WDR33: variants seen among roughly 807,000 people sequenced by gnomAD.
The protein encoded by WDR33 is pre-mRNA 3' end processing protein WDR33.
A neutral mutation model predicts 164.9 loss-of-function variants in WDR33; 47 were observed. The observed-to-expected ratio is 0.29, with a 90% CI of 0.23 to 0.36. The LOEUF is 0.36. Among genes scored for constraint, WDR33 ranks in the 10% least tolerant of loss-of-function variants. The pLI, the probability that WDR33 is intolerant of heterozygous loss-of-function variation, is 1.00. For synonymous variants in WDR33, 505 were observed against 589.0 expected, an observed-to-expected ratio of 0.86 and a Z score of 2.06; for missense variants, 1,137 against 1,754.1, an observed-to-expected ratio of 0.65 and a Z score of 6.28.
intron 7 of WDR33, chr2:127,737,361 A>G (rs1194115064): frequency 2.0e-6 from 2 of 985,332 alleles, no homozygotes; most frequent in East Asian, 1.1e-4. Flanking sequence ...GTGTGTGTAC[A>G]TATGTGTGTG....
intron 7 of WDR33, among the ~76,000 whole-genome samples, chr2:127,753,367 T>C (rs1433072352): frequency 6.6e-6 from 1 of 152,262 alleles, no homozygotes; most frequent in Admixed American, 6.5e-5. Flanking sequence ...AAAGCCTATA[T>C]ATACTACTGT....
rs1558915726 is a variant in WDR33, at chr2:127,704,679, C to T, written c.*1644G>A. 6.0e-6 allele frequency: 1 copy of T among 167,068 alleles called. No individual in the cohort carries two copies. Among genetic ancestry groups the T allele is most frequent in the South Asian group, 2.1e-4 (1 of 4,832 alleles). The allele number at this position is 167,068 out of a possible 1,614,324, so 10.3% of individuals were successfully genotyped here. Reference sequence around the variant, plus strand: ...GCAGTGTATATGGCTGACATTTTCTCACTCCACAGAAATCAATTAGCTTTT... The same window carrying T: ...GCAGTGTATATGGCTGACATTTTCTTACTCCACAGAAATCAATTAGCTTTT... On this transcript the variant is annotated 3_prime_UTR_variant, in exon 22 of 22. Transcript: ENST00000322313.
chr2:127,729,724 T>G (rs529838509), intron 7 of WDR33, among the ~76,000 whole-genome samples: 1 of 152,324 alleles, frequency 6.6e-6, no homozygotes, highest in Non-Finnish European at 1.5e-5. Context: ...CTCAATCTCC[T>G]GGCCTCGTGA....
intron 4 of WDR33, among the ~76,000 whole-genome samples, chr2:127,767,322 C>T (rs1268884629): frequency 2.0e-5 from 3 of 152,044 alleles, no homozygotes; most frequent in Admixed American, 2.0e-4. Flanking sequence ...ATGGAATAAT[C>T]GAAACACAAA....
intron 7 of WDR33, among the ~76,000 whole-genome samples, chr2:127,750,109 A>C (rs1466018464): frequency 6.6e-6 from 1 of 152,094 alleles, no homozygotes; most frequent in East Asian, 1.9e-4. Flanking sequence ...CTGCAGCCTC[A>C]GATTTCCCAG....
chr2:127,769,036 A>AATAAATAAATAG (rs1553477303), intron 2 of WDR33, 35 bp from the exon 3 acceptor site: 1 of 1,126,396 alleles, frequency 8.9e-7, no homozygotes, highest in Non-Finnish European at 1.2e-6. Flanking sequence ...TAAATAAATA[A>AATAAATAAATAG]ATAGATCAAT....
intron 7 of WDR33, among the ~76,000 whole-genome samples, chr2:127,739,278 T>C (rs1210938174): frequency 6.6e-6 from 1 of 152,198 alleles, no homozygotes; most frequent in African/African-American, 2.4e-5. Context: ...TCCACTTTCA[T>C]CTCTGAGCCA....
rs1367634684 is a variant in WDR33, at chr2:127,709,665, G to A, written c.3472+28C>T. 3 of 1,613,976 alleles carry A rather than the reference G, an allele frequency of 1.9e-6. No individual in the cohort carries two copies. The highest frequency in any genetic ancestry group is 2.5e-6 in the Non-Finnish European group (3 of 1,179,984). ...GTGTATTCTGCACCCTATCCTTCCA[G>A]ACCAGGTGTCTTTAGTAACTCGCTC... On this transcript the variant is annotated intron_variant, in intron 19 of 21. Coordinates refer to ENST00000322313, the MANE Select transcript of WDR33 (RefSeq NM_018383.5). The surrounding 1 kb of genome is among the most constrained non-coding windows in gnomAD (Gnocchi z 5.0).
At chr2:127,725,743 ATAAT>A (rs1686556884) in intron 8 of WDR33, among the ~76,000 whole-genome samples, 1 of 76,778 alleles carries the variant, frequency 1.3e-5, no homozygotes, top group African/African-American at 5.8e-5. Context: ...CAAAATAATA[ATAAT>A]AATAATAATA....
intron 1 of WDR33, among the ~76,000 whole-genome samples, chr2:127,776,880 AAC>A (rs993962643): frequency 2.6e-5 from 4 of 152,196 alleles, no homozygotes; most frequent in Admixed American, 2.0e-4. Context: ...TTTATGACCA[AAC>A]ACAGAGAAAG....
Position 127,765,222 on chromosome 2 carries a change from C to T in WDR33, c.426G>A (p.Glu142=). Residue 142 remains glutamate, a synonymous_variant, in exon 5 of 22, where the codon GAG becomes GAA. Coordinates refer to ENST00000322313, the MANE Select transcript of WDR33 (RefSeq NM_018383.5). ...AAGTGAGTCCATTCCACAGGGTAAA[C>T]TCCCCACTAGAAGCTCCAGTGACCA... ...RRLVTGASSG[E]FTLWNGLTFN... is the part of the protein sequence containing the mutation. 1.9e-6 allele frequency: 3 copies of T among 1,614,102 alleles called. No individual in the cohort carries two copies. The highest frequency in any genetic ancestry group is 2.5e-6 in the Non-Finnish European group (3 of 1,179,994).
In WDR33 at chr2:127,704,951, T is replaced by C. The variant is rs1558915917; in HGVS notation, c.*1372A>G. The C allele has an allele frequency of 6.4e-6, 1 of 157,376 alleles. No homozygotes were observed. Among genetic ancestry groups the C allele is most frequent in the Non-Finnish European group, 1.5e-5 (1 of 68,084 alleles). The allele number at this position is 157,376 out of a possible 1,614,324, so 9.7% of individuals were successfully genotyped here. On this transcript the variant is annotated 3_prime_UTR_variant, in exon 22 of 22. Transcript: ENST00000322313. ...AAAAACACACACACAAAAAATTAGC[T>C]GGGCATGGTGGCATATGCCTGTAGT...
intron 7 of WDR33, among the ~76,000 whole-genome samples, chr2:127,739,487 T>C (rs1056309172): frequency 1.3e-5 from 2 of 152,268 alleles, no homozygotes; most frequent in East Asian, 3.8e-4. Flanking sequence ...TGCTACATAA[T>C]GGCTAATAGT....
rs933174764 is a variant in WDR33, at chr2:127,737,210, C to A, written c.725-10433G>T. 3.0e-6 allele frequency: 3 copies of A among 985,250 alleles called. No individual in the cohort carries two copies. In the African/African-American group the frequency reaches 5.2e-5, roughly 17 times the overall value. 61.0% of individuals were successfully genotyped at this position (985,250 alleles called of 1,614,324 possible). A position where few individuals can be genotyped will look rare whatever the true frequency, so the allele number is the denominator to read the frequency against. Reference sequence around the variant, plus strand: ...AATCAAATATTTTTCAACCTCAATTCTGTTGTATTCATTCAATTCTTTGAT... The same window carrying A: ...AATCAAATATTTTTCAACCTCAATTATGTTGTATTCATTCAATTCTTTGAT... On this transcript the variant is annotated intron_variant, in intron 7 of 21. Coordinates refer to ENST00000322313, the MANE Select transcript of WDR33 (RefSeq NM_018383.5).
At chr2:127,769,455 A>C (rs1354627426) in intron 2 of WDR33, among the ~76,000 whole-genome samples, 2 of 151,958 alleles carry the variant, frequency 1.3e-5, no homozygotes, top group African/African-American at 2.4e-5. Context: ...ACAAAAAAAA[A>C]ACCTTCCCTC....
In WDR33 at chr2:127,703,549, G is replaced by C. The variant is rs1244778208; in HGVS notation, c.*2774C>G. The C allele has an allele frequency of 6.0e-6, 1 of 167,082 alleles. No homozygotes were observed. Among genetic ancestry groups the C allele is most frequent in the Non-Finnish European group, 1.5e-5 (1 of 68,132 alleles). 10.3% of individuals were successfully genotyped at this position (167,082 alleles called of 1,614,324 possible). Reference sequence around the variant, plus strand: ...ACAAGTGGCCAACATCCACACTGTAGGCTTGCAGGCTACCCGCCCTGAGAT... The same window carrying C: ...ACAAGTGGCCAACATCCACACTGTACGCTTGCAGGCTACCCGCCCTGAGAT... On this transcript the variant is annotated 3_prime_UTR_variant, in exon 22 of 22. Transcript: ENST00000322313.
chr2:127,707,229 T>TA (rs200273049), intron 21 of WDR33, among the ~76,000 whole-genome samples: 8,870 of 122,466 alleles, frequency 0.072, 888 homozygotes, highest in African/African-American at 0.24. Flanking sequence ...AGAATATATT[T>TA]AAAAAAAAAA....
In WDR33 at chr2:127,765,154, C is replaced by T. The variant is rs1287489014; in HGVS notation, c.474+20G>A. ...TTACAGTACCACAGGATGATGATAC[C>T]ATCTGGTGATTATCATTACCTGTAA... On this transcript the variant is annotated intron_variant, in intron 5 of 21. Transcript: ENST00000322313. 1.2e-6 allele frequency: 2 copies of T among 1,601,082 alleles called. No homozygotes were observed. The highest frequency in any genetic ancestry group is 2.2e-5 in the East Asian group (1 of 44,820).
intron 1 of WDR33, among the ~76,000 whole-genome samples, chr2:127,803,145 CAGT>C (rs1260758670): frequency 1.3e-5 from 2 of 151,670 alleles, no homozygotes; most frequent in African/African-American, 4.8e-5. Context: ...ATCTTTAATG[CAGT>C]ATACGCTAAG....
Sources: gnomAD v4.1 joint callset for allele counts (sites outside exome capture counted in the v4.1 genomes callset) on GRCh38, gnomAD v4.1.1 for gene constraint, Gnocchi (gnomAD v3.1) non-coding constraint, MANE v1.5 for transcripts, NCBI Gene and HGNC (gene_info 2026-07-23, HGNC 2026-07-21) for gene names.